Variants in FSCN2 observed in about 807,000 individuals in gnomAD.
The protein encoded by FSCN2 is fascin actin-bundling protein 2, retinal.
A neutral mutation model predicts 37.8 loss-of-function variants in FSCN2; 46 were observed. The ratio of observed to expected loss-of-function variants is 1.22; its 90% CI spans 0.96 to 1.56. The LOEUF is 1.56. FSCN2 is among the 40% of genes most tolerant of loss of function. The pLI, the probability that FSCN2 is intolerant of heterozygous loss-of-function variation, is 0.00. For missense variants in FSCN2, 844 were observed against 730.4 expected (o/e 1.16, Z -1.79); for synonymous variants, 351 against 309.4 (o/e 1.13, Z -1.41).
rs1555670790 is a variant in FSCN2 at position 81,529,168 on chromosome 17, G to A, written c.637G>A (p.Glu213Lys). 6.3e-7 allele frequency: 1 copy of A among 1,590,792 alleles called. No homozygotes were observed. The highest frequency in any genetic ancestry group is 8.5e-7 in the Non-Finnish European group (1 of 1,170,148). The change falls in exon 1 of 5, where the codon GAG becomes AAG. Residue 213 changes from glutamate (E) to lysine (K), a missense_variant. By Grantham distance (56) the Glu-to-Lys change is moderately conservative. Transcript: ENST00000417245. The part of the protein sequence containing the change: ...EPEPRACYTL[E>K]FKAGKLAFKD... ...TGAGCCCCGTGCCTGCTACACGCTG[G>A]AGTTCAAGGCGGGCAAGCTGGCCTT...
the FSCN2 span, among the ~76,000 whole-genome samples, chr17:81,516,502 T>G: frequency 1.3e-5 from 2 of 152,336 alleles, no homozygotes; most frequent in Admixed American, 1.3e-4. Context: ...CCCTGTTTCC[T>G]GAAGCTCTTT....
intron 1 of FSCN2, among the ~76,000 whole-genome samples, chr17:81,531,837 ATGGT>A (rs2032642365): frequency 9.2e-6 from 1 of 108,730 alleles, no homozygotes; most frequent in African/African-American, 4.6e-5. Context: ...GGTGGTGGTG[ATGGT>A]GGTGATGGTG....
Position 81,536,872 on chromosome 17 carries a change from C to G in FSCN2, c.1274-3C>G, listed in dbSNP as rs201054437. 6 of 1,567,322 alleles carry G rather than the reference C, an allele frequency of 3.8e-6. No individual in the cohort carries two copies. The highest frequency in any genetic ancestry group is 5.2e-6 in the Non-Finnish European group (6 of 1,156,328). On this transcript the variant is annotated splice_polypyrimidine_tract_variant and splice_region_variant and intron_variant, in intron 4 of 4. Transcript: ENST00000417245. ...CCCCCGCCGACGCCGTCCCGTCCCC[C>G]AGGCCGCGACGGAGGGTTCTGGTAC...
At chr17:81,517,808 C>A in the FSCN2 span, among the ~76,000 whole-genome samples, 2 of 149,138 alleles carry the variant, frequency 1.3e-5, no homozygotes, top group African/African-American at 4.9e-5. Flanking sequence ...GGCAGCGAGG[C>A]CTGAAGTTTG....
upstream of FSCN2, among the ~76,000 whole-genome samples, chr17:81,526,138 C>T (rs539149970): frequency 1.9e-4 from 29 of 152,202 alleles, no homozygotes; most frequent in Non-Finnish European, 3.5e-4. Context: ...GATGCCTAAG[C>T]GCCCTGCCAG....
At position 81,528,918 on chromosome 17, in the gene FSCN2, G is replaced by A. The variant is rs782681223; in HGVS notation, c.387G>A (p.Glu129=). 2 of 1,590,594 alleles carry A rather than the reference G, an allele frequency of 1.3e-6. No homozygotes were observed. Among genetic ancestry groups the A allele is most frequent in the East Asian group, 2.3e-5 (1 of 43,860 alleles). The change falls in exon 1 of 5, where the codon GAG becomes GAA. Residue 129 remains glutamate, a synonymous_variant. Transcript: ENST00000417245. The stretch of plus-strand genomic sequence containing the variant: ...TCGCCACAGCCGTTTCCCCGGCCGA[G>A]CTGTGGACCGTGCACCTGGCCATCC... ...SCFATAVSPA[E]LWTVHLAIHP...
chr17:81,519,125 G>A, the FSCN2 span: 1 of 152,330 alleles, frequency 6.6e-6, no homozygotes, highest in Non-Finnish European at 1.5e-5. Context: ...ATGTTTCTCA[G>A]GCAGGGCCCA....
chr17:81,530,011 T>C lies in FSCN2; in HGVS notation c.826+654T>C, dbSNP rs186566515. Reference sequence around the variant, plus strand: ...TTTTTTAGAAGAGACGGGGTTTCACTGTGTTAGCCAGGATGGTCTTGATCT... The same window carrying C: ...TTTTTTAGAAGAGACGGGGTTTCACCGTGTTAGCCAGGATGGTCTTGATCT... On this transcript the variant is annotated intron_variant, in intron 1 of 4. Coordinates refer to ENST00000417245, the MANE Select transcript of FSCN2 (RefSeq NM_012418.4). 2.3e-3 allele frequency: 662 copies of C among 290,150 alleles called. 9 individuals are homozygous for C. Among genetic ancestry groups the C allele is most frequent in the African/African-American group, 0.014 (618 of 44,278 alleles). The allele number at this position is 290,150 out of a possible 1,614,324, so 18.0% of individuals were successfully genotyped here.
At chr17:81,515,403 A>G in the FSCN2 span, among the ~76,000 whole-genome samples, 1 of 152,214 alleles carries the variant, frequency 6.6e-6, no homozygotes, top group African/African-American at 2.4e-5. Flanking sequence ...CACTTCCGCC[A>G]GAGGTGGGTG....
rs540748306 is a variant in FSCN2, at chr17:81,536,118, T to C, written c.984-28T>C. 553 of 1,602,778 alleles carry C rather than the reference T, an allele frequency of 3.5e-4. 7 individuals are homozygous for C. In the South Asian group the frequency reaches 5.7e-3, roughly 17 times the overall value. On this transcript the variant is annotated intron_variant, in intron 2 of 4. Transcript: ENST00000417245. ...CCTGCACCCCCATCTCCTGCTGTCC[T>C]GAGGAGACCTTTTGCTGCTCCCTCC...
chr17:81,536,663 A>G lies in FSCN2; in HGVS notation c.1147A>G (p.Ile383Val), dbSNP rs755579915. ...CACCCTCAAGCTCATCAACCGGCCC[A>G]TCCTGGTGCTGCGCGGCCTGGACGG... ...EFTLKLINRP[I>V]LVLRGLDGFV... The change falls in exon 4 of 5, where the codon ATC (isoleucine) becomes GTC (valine). Residue 383 changes from isoleucine to valine, a missense_variant. Transcript: ENST00000417245. The G allele has an allele frequency of 2.5e-6, 4 of 1,611,244 alleles. No homozygotes were observed. In the South Asian group the frequency reaches 4.4e-5, roughly 18 times the overall value.
intron 1 of FSCN2, among the ~76,000 whole-genome samples, chr17:81,532,083 G>GTGA (rs1568078643): frequency 7.8e-6 from 1 of 128,372 alleles, no homozygotes; most frequent in Non-Finnish European, 1.6e-5. Flanking sequence ...GGTGGTGATG[G>GTGA]TGATGGTGAT....
intron 1 of FSCN2, 79 bp downstream of exon 1, chr17:81,529,436 C>T (rs1340328227): frequency 2.4e-5 from 26 of 1,093,460 alleles, no homozygotes; most frequent in Non-Finnish European, 2.0e-5. Flanking sequence ...GGGGGTCTCA[C>T]GGGGAGTGGT....
At chr17:81,532,164 GTGATGGTGGTGGTGA>G (rs1451298971) in intron 1 of FSCN2, among the ~76,000 whole-genome samples, 2 of 101,954 alleles carry the variant, frequency 2.0e-5, no homozygotes, top group Non-Finnish European at 3.7e-5. Flanking sequence ...GATGATGATG[GTGATGGTGGTGGTGA>G]TGGTGGTGGT....
intron 1 of FSCN2, among the ~76,000 whole-genome samples, chr17:81,531,321 ATGGTGGTGG>A (rs1568077143): frequency 6.9e-5 from 6 of 86,576 alleles, no homozygotes; most frequent in African/African-American, 2.3e-4. Flanking sequence ...GGTGGTGATG[ATGGTGGTGG>A]TGGTGATGGT....
At chr17:81,529,520 AGGTG>A (rs2143853317) in intron 1 of FSCN2, 163 bp downstream of exon 1, 2 of 791,910 alleles carry the variant, frequency 2.5e-6, no homozygotes, top group East Asian at 4.9e-5. Context: ...CTCAGGGTGT[AGGTG>A]GGTGGGCCTC....
chr17:81,531,810 ATGGTGGTGGTGATGGTGG>A (rs1957361359), intron 1 of FSCN2, among the ~76,000 whole-genome samples: 1 of 80,750 alleles, frequency 1.2e-5, no homozygotes, highest in African/African-American at 4.9e-5. Context: ...AATGGTGATG[ATGGTGGTGGTGATGGTGG>A]TGGTGGTGAT....
At chr17:81,519,583 C>A in the FSCN2 span, among the ~76,000 whole-genome samples, 1 of 152,200 alleles carries the variant, frequency 6.6e-6, no homozygotes, top group East Asian at 1.9e-4. Flanking sequence ...CGCGCCTGCC[C>A]AGGAGCGCCA....
intron 1 of FSCN2, among the ~76,000 whole-genome samples, chr17:81,533,776 C>CT (rs1284101821): frequency 2.6e-5 from 4 of 152,242 alleles, no homozygotes; most frequent in Non-Finnish European, 5.9e-5. Context: ...AAGCAGGTGG[C>CT]TGAATGAGTA....
Sources: allele counts gnomAD v4.1 joint callset (sites outside exome capture counted in the v4.1 genomes callset), GRCh38; gene constraint gnomAD v4.1.1; transcripts MANE v1.5; gene names NCBI Gene and HGNC (gene_info 2026-07-23, HGNC 2026-07-21).